NCOA6: variants seen among roughly 807,000 people sequenced by gnomAD.
NCOA6 encodes nuclear receptor coactivator 6.
NCOA6 carries 49 observed loss-of-function variants against 171.4 expected under a neutral mutation model. The ratio of observed to expected loss-of-function variants is 0.29; its 90% CI spans 0.23 to 0.36. The LOEUF (loss-of-function observed/expected upper bound fraction) is 0.36, where lower values mean the gene tolerates loss of function less well. Ranked by LOEUF, NCOA6 falls within the 10% of genes least tolerant of loss-of-function variation. The pLI, the probability that NCOA6 is intolerant of heterozygous loss-of-function variation, is 1.00. For missense variants in NCOA6, 2,248 were observed against 2,554.5 expected (o/e 0.88, Z 2.59); for synonymous variants, 910 against 927.5 (o/e 0.98, Z 0.34).
intron 12 of NCOA6, among the ~76,000 whole-genome samples, chr20:34,733,278 A>G (rs1235115158): frequency 1.3e-5 from 2 of 152,176 alleles, no homozygotes; most frequent in East Asian, 3.8e-4. Context: ...CATCTTTTCC[A>G]AAAGCCTTCC....
chr20:34,750,571 G>A, intron 8 of NCOA6, 52 bp from the exon 9 acceptor site: 1 of 1,484,480 alleles, frequency 6.7e-7, no homozygotes, highest in Non-Finnish European at 9.0e-7. Context: ...TTATCTTATT[G>A]GTATTAAGAT....
intron 13 of NCOA6, among the ~76,000 whole-genome samples, chr20:34,731,736 TA>T (rs1349711570): frequency 6.6e-6 from 1 of 152,178 alleles, no homozygotes; most frequent in Non-Finnish European, 1.5e-5. Context: ...ATTCCTACAC[TA>T]AAAGAGACAA....
chr20:34,757,840 C>A lies in NCOA6; in HGVS notation c.908G>T (p.Arg303Leu). The A allele has an allele frequency of 1.2e-6, 2 of 1,613,938 alleles. No individual in the cohort carries two copies. Among genetic ancestry groups the A allele is most frequent in the Non-Finnish European group, 8.5e-7 (1 of 1,179,992 alleles). ...CTGAGTTGGGGCAGTAAACTGGGGTCGAATTCCCTGTGGCTGTTGCTGCTG... is the reference window on the plus strand; with the variant it reads ...CTGAGTTGGGGCAGTAAACTGGGGTAGAATTCCCTGTGGCTGTTGCTGCTG... ...QHQQQQPQGI[R>L]PQFTAPTQVP... The change falls in exon 7 of 15, where the codon CGA (arginine) becomes CTA (leucine). Residue 303 changes from arginine to leucine, a missense_variant. Transcript: ENST00000359003.
At chr20:34,748,255 G>C (rs1157443474) in intron 9 of NCOA6, among the ~76,000 whole-genome samples, 1 of 151,928 alleles carries the variant, frequency 6.6e-6, no homozygotes, top group African/African-American at 2.4e-5. Flanking sequence ...AACTGAGAAA[G>C]AGCTATCAGA....
intron 3 of NCOA6, among the ~76,000 whole-genome samples, chr20:34,779,153 GTAT>G (rs760400929): frequency 2.6e-5 from 4 of 151,940 alleles, no homozygotes; most frequent in Non-Finnish European, 5.9e-5. Flanking sequence ...AATTGAGGAG[GTAT>G]TATTAATTGT....
intron 12 of NCOA6, among the ~76,000 whole-genome samples, chr20:34,733,906 G>A (rs1325913948): frequency 7.1e-6 from 1 of 140,338 alleles, no homozygotes; most frequent in Admixed American, 7.4e-5. Flanking sequence ...TCTCATTGCT[G>A]TTTAGCCTCC....
At chr20:34,725,068 C>T (rs942387734) in intron 14 of NCOA6, among the ~76,000 whole-genome samples, 2 of 152,134 alleles carry the variant, frequency 1.3e-5, no homozygotes, top group South Asian at 2.1e-4. Context: ...GGATTACAGG[C>T]GTGAGCCACT....
At chr20:34,786,157 T>C (rs1483532116) in intron 2 of NCOA6, among the ~76,000 whole-genome samples, 1 of 152,184 alleles carries the variant, frequency 6.6e-6, no homozygotes, top group Non-Finnish European at 1.5e-5. Flanking sequence ...TCTCTGATGG[T>C]TGTTTGTATT....
At chr20:34,720,464 G>C (rs1381851255) in intron 14 of NCOA6, among the ~76,000 whole-genome samples, 2 of 152,184 alleles carry the variant, frequency 1.3e-5, no homozygotes, top group Non-Finnish European at 1.5e-5. Flanking sequence ...GCAGGCCTTG[G>C]CCAGCATGAT....
chr20:34,761,840 G>A (rs892725348), intron 5 of NCOA6, among the ~76,000 whole-genome samples: 1 of 152,076 alleles, frequency 6.6e-6, no homozygotes, highest in Non-Finnish European at 1.5e-5. Context: ...ATTTTTAGTA[G>A]AGACGGGGTT....
chr20:34,782,385 A>G lies in NCOA6; in HGVS notation c.-30T>C. ...AATATTATTCCAGAAGCATATGCCA[A>G]GAGGACAATAAGAAAACTTCTGAAA... On this transcript the variant is annotated 5_prime_UTR_variant, in exon 3 of 15. Transcript: ENST00000359003. 1 of 1,404,768 alleles carries G rather than the reference A, an allele frequency of 7.1e-7. No individual in the cohort carries two copies. Among genetic ancestry groups the G allele is most frequent in the Non-Finnish European group, 9.8e-7 (1 of 1,019,940 alleles). 87.0% of individuals were successfully genotyped at this position (1,404,768 alleles called of 1,614,324 possible). A position where few individuals can be genotyped will look rare whatever the true frequency, so the allele number is the denominator to read the frequency against.
intron 1 of NCOA6, among the ~76,000 whole-genome samples, chr20:34,802,223 T>C (rs1430198617): frequency 6.6e-6 from 1 of 152,172 alleles, no homozygotes; most frequent in African/African-American, 2.4e-5. Flanking sequence ...TCCCAGTACT[T>C]TGGGAGGCCA....
At position 34,749,804 on chromosome 20, in the gene NCOA6, C is replaced by T; in HGVS notation, c.2391G>A (p.Met797Ile). The T allele has an allele frequency of 6.2e-7, 1 of 1,614,224 alleles. No homozygotes were observed. The highest frequency in any genetic ancestry group is 8.5e-7 in the Non-Finnish European group (1 of 1,180,026). ...TAGCAGGATCACCATGCTGCTGGGC[C>T]ATGTGTGGGCTGGGCCCTGGTGGCC... Reference protein sequence around the residue: ...VLRPPGPSPHMAQQHGDPATT... With the variant: ...VLRPPGPSPHIAQQHGDPATT... Residue 797 changes from methionine (M) to isoleucine (I), a missense_variant, in exon 9 of 15, where the codon ATG (methionine) becomes ATA (isoleucine). Physicochemically the swap from Met to Ile is conservative, Grantham distance 10 (BLOSUM62 1). This residue lies in a region of NCOA6 where 987 missense variants were observed against 1,104.7 expected (regional missense o/e 0.89). Coordinates refer to ENST00000359003, the MANE Select transcript of NCOA6 (RefSeq NM_014071.5).
rs34459917 is a variant in NCOA6, at chr20:34,758,168, C to T, written c.644-64G>A. The T allele has an allele frequency of 3.0e-3, 4,599 of 1,532,150 alleles. 10 individuals are homozygous for T. Among genetic ancestry groups the T allele is most frequent in the Non-Finnish European group, 3.6e-3 (4,168 of 1,143,662 alleles). 94.9% of individuals were successfully genotyped at this position (1,532,150 alleles called of 1,614,324 possible). ...TGCAATCTAGATCTTAGAGAAGTGG[C>T]CTTTGTAATTCTGGATATACAGAGC... On this transcript the variant is annotated intron_variant, in intron 6 of 14. Transcript: ENST00000359003.
chr20:34,788,615 C>T lies in NCOA6; in HGVS notation c.-50+3835G>A, dbSNP rs543055556. Among the ~76,000 whole-genome samples, 8 of 152,260 alleles carry T rather than the reference C, an allele frequency of 5.3e-5. 1 individual carries two copies. The South Asian group carries it at 1.7e-3, about 32-fold the overall frequency. ...AAGCCCTGCCTCTGGAGTCAATTTC[C>T]ACCTCCTACCTCATATTTAGGCTTA... On this transcript the variant is annotated intron_variant, in intron 2 of 14. Transcript: ENST00000359003.
At chr20:34,792,311 T>C (rs941796978) in intron 2 of NCOA6, 139 bp downstream of exon 2, 1 of 375,714 alleles carries the variant, frequency 2.7e-6, no homozygotes, top group African/African-American at 2.1e-5. Context: ...GAATAGCATC[T>C]GTATTTTATT....
chr20:34,746,815 C>T lies in NCOA6; in HGVS notation c.2906G>A (p.Arg969Gln), dbSNP rs141055034. 9.2e-5 allele frequency: 148 copies of T among 1,605,860 alleles called. No homozygotes were observed. The highest frequency in any genetic ancestry group is 4.8e-4 in the South Asian group (43 of 90,194). The change falls in exon 10 of 15, where the codon CGG becomes CAG. Residue 969 changes from arginine to glutamine, a missense_variant. Arg to Gln is a conservative substitution (Grantham distance 43). Coordinates refer to ENST00000359003, the MANE Select transcript of NCOA6 (RefSeq NM_014071.5). Reference protein sequence around the residue: ...SGPKLPEFSNRPPGYPSQPVE... With the variant: ...SGPKLPEFSNQPPGYPSQPVE... Reference sequence around the variant, plus strand: ...AGCTAACATTTTATCACCTGGTGGCCGGTTTGAAAATTCTGGCAGTTTAGG... The same window carrying T: ...AGCTAACATTTTATCACCTGGTGGCTGGTTTGAAAATTCTGGCAGTTTAGG...
chr20:34,772,545 G>A (rs1033762618), intron 4 of NCOA6, among the ~76,000 whole-genome samples: 3 of 151,722 alleles, frequency 2.0e-5, no homozygotes, highest in African/African-American at 7.3e-5. Context: ...AACAGGGTTA[G>A]GGCAAACTGA....
At position 34,740,895 on chromosome 20, in the gene NCOA6, T is replaced by C. The variant is rs748917981; in HGVS notation, c.5361A>G (p.Ser1787=). 3 of 1,614,042 alleles carry C rather than the reference T, an allele frequency of 1.9e-6. No homozygotes were observed. The African/African-American group carries it at 4.0e-5, about 22-fold the overall frequency. Residue 1787 remains serine (S), a synonymous_variant, in exon 11 of 15, where the codon TCA becomes TCG. Transcript: ENST00000359003. ...GGGGAGAAACCATTGTGGTTGACTG[T>C]GAAGAGGGAAGAGTGTTCTGATCTG... ...TSADQNTLPS[S]QSTTMVSPLL...
Sources: gnomAD v4.1 joint callset for allele counts (sites outside exome capture counted in the v4.1 genomes callset) on GRCh38, gnomAD v4.1.1 for gene constraint, gnomAD v4.1.1 regional missense constraint, MANE v1.5 for transcripts, NCBI Gene and HGNC (gene_info 2026-07-23, HGNC 2026-07-21) for gene names.